The following ABCA12 variants were observed in gnomAD, a reference collection of about 807,000 sequenced individuals.
The protein encoded by ABCA12 is glucosylceramide transporter ABCA12.
ABCA12 carries 156 observed loss-of-function variants against 293.5 expected under a neutral mutation model. The observed-to-expected ratio is 0.53, with a 90% confidence interval of 0.47 to 0.61. ABCA12 has a LOEUF of 0.61. Among genes scored for constraint, ABCA12 ranks in the 20% least tolerant of loss-of-function variants. The pLI is 0.00. For missense variants in ABCA12, 2,797 were observed against 3,090.2 expected, an observed-to-expected ratio of 0.91 and a Z score of 2.25; for synonymous variants, 1,063 against 1,108.0, an observed-to-expected ratio of 0.96 and a Z score of 0.81.
At chr2:214,964,457 T>C (rs988614661) in intron 39 of ABCA12, among the ~76,000 whole-genome samples, 1 of 152,184 alleles carries the variant, frequency 6.6e-6, no homozygotes, top group Non-Finnish European at 1.5e-5. Context: ...GCAGTTGACA[T>C]GATCCTATAT....
Position 215,064,200 on chromosome 2 carries a change from G to C in ABCA12, c.183C>G (p.Asn61Lys), listed in dbSNP as rs537624286. The C allele has an allele frequency of 3.7e-6, 6 of 1,612,620 alleles. No homozygotes were observed. The highest frequency in any genetic ancestry group is 1.7e-4 in the Middle Eastern group (1 of 6,050). ...AKPTCYLAPR[N>K]LPSTGFFPFL... ...ATGGAAAGAATCCAGTACTAGGAAG[G>C]TTTCGAGGTGCGAGGTAACCTAAAA... is the stretch of plus-strand genomic sequence containing the variant. Residue 61 changes from asparagine (N) to lysine (K), a missense_variant, in exon 3 of 53, where the codon AAC becomes AAG. By Grantham distance (94) the Asn-to-Lys change is moderately conservative. Coordinates refer to ENST00000272895, the MANE Select transcript of ABCA12 (RefSeq NM_173076.3).
chr2:215,108,837 A>G (rs1193387896), intron 2 of ABCA12, among the ~76,000 whole-genome samples: 1 of 152,184 alleles, frequency 6.6e-6, no homozygotes, highest in Non-Finnish European at 1.5e-5. Context: ...TGGGAGGCCG[A>G]GGCGGTGGAT....
chr2:214,949,383 C>CACAA (rs1274279324), intron 45 of ABCA12, among the ~76,000 whole-genome samples: 1 of 150,856 alleles, frequency 6.6e-6, no homozygotes, highest in African/African-American at 2.4e-5. Flanking sequence ...TATATACACA[C>CACAA]ACACACACAC....
At chr2:214,974,468 T>A (rs893570344) in intron 35 of ABCA12, among the ~76,000 whole-genome samples, 3 of 152,176 alleles carry the variant, frequency 2.0e-5, no homozygotes, top group Non-Finnish European at 2.9e-5. Flanking sequence ...GCTAGATAAG[T>A]ATCTTGGTCT....
chr2:214,972,431 C>A (rs1699405777), intron 36 of ABCA12, among the ~76,000 whole-genome samples: 1 of 152,116 alleles, frequency 6.6e-6, no homozygotes, highest in Non-Finnish European at 1.5e-5. Flanking sequence ...TATTTTGAGA[C>A]AGGGTCTCTC....
chr2:215,027,845 T>C (rs1389425617), intron 9 of ABCA12, among the ~76,000 whole-genome samples: 1 of 152,186 alleles, frequency 6.6e-6, no homozygotes, highest in Admixed American at 6.5e-5. Context: ...TATAAGTTCC[T>C]TTTTTCTCTA....
chr2:214,983,637 C>G lies in ABCA12; in HGVS notation c.4382+10G>C. ...TAGCAACTTAGGTTCTCATTCCTGT[C>G]TTAACTTGCCTTTTTACTTCCTCGT... On this transcript the variant is annotated intron_variant, in intron 29 of 52. Coordinates refer to ENST00000272895, the MANE Select transcript of ABCA12 (RefSeq NM_173076.3). The G allele has an allele frequency of 6.2e-7, 1 of 1,613,274 alleles. No homozygotes were observed.
chr2:215,000,460 C>T (rs996767514), intron 22 of ABCA12, among the ~76,000 whole-genome samples: 1 of 152,018 alleles, frequency 6.6e-6, no homozygotes. Context: ...AATTTTAGGG[C>T]CAGAATTTTT....
intron 30 of ABCA12, 21 bp downstream of exon 30, chr2:214,982,166 G>A: frequency 1.2e-6 from 2 of 1,612,622 alleles, no homozygotes; most frequent in Admixed American, 1.7e-5. Context: ...GGGTGGAGAA[G>A]TTCTGAGAAA....
At chr2:215,063,918 A>T in intron 3 of ABCA12, 148 bp downstream of exon 3, 4 of 962,770 alleles carry the variant, frequency 4.2e-6, no homozygotes, top group Non-Finnish European at 6.6e-6. Context: ...GTTTATACCT[A>T]CTTTGTTATT....
intron 3 of ABCA12, among the ~76,000 whole-genome samples, chr2:215,062,946 T>C (rs764969434): frequency 4.6e-5 from 7 of 152,036 alleles, no homozygotes; most frequent in Admixed American, 6.6e-5. Context: ...AATTGTTTTA[T>C]TCACCTCTGT....
intron 2 of ABCA12, among the ~76,000 whole-genome samples, chr2:215,096,501 C>T (rs1308140425): frequency 1.3e-5 from 2 of 152,302 alleles, no homozygotes; most frequent in African/African-American, 4.8e-5. Flanking sequence ...ATTATTGTCA[C>T]TATTCTGTTT....
intron 2 of ABCA12, among the ~76,000 whole-genome samples, chr2:215,110,190 A>G (rs1236084911): frequency 2.0e-5 from 3 of 152,174 alleles, no homozygotes; most frequent in African/African-American, 7.2e-5. Context: ...AATAACTCAA[A>G]TGACTTGAGA....
rs1702223827 is a variant in ABCA12, at chr2:215,095,098, G to GTTTTT, written c.163+16498_163+16499insAAAAA. On this transcript the variant is annotated intron_variant, in intron 2 of 52. Transcript: ENST00000272895. ...CTACTATTTTGTTTTGTTTTGTTTT[G>GTTTTT]TTTATTATGAATACAAGACGACAGG... Among the ~76,000 whole-genome samples the GTTTTT allele has an allele frequency of 2.0e-5, 3 of 151,704 alleles. No individual in the cohort carries two copies. The South Asian group carries it at 6.3e-4, about 32-fold the overall frequency.
chr2:214,949,561 A>G (rs1427316890), intron 45 of ABCA12, among the ~76,000 whole-genome samples: 1 of 152,180 alleles, frequency 6.6e-6, no homozygotes, highest in East Asian at 1.9e-4. Flanking sequence ...TCGCGGCAAT[A>G]GTTTCTTCGT....
At chr2:215,080,930 C>T (rs1701924434) in intron 2 of ABCA12, 1 of 152,192 alleles carries the variant, frequency 6.6e-6, no homozygotes, top group Non-Finnish European at 1.5e-5. Flanking sequence ...CCCCTCAGAA[C>T]CATATTATTT....
chr2:214,933,186 A>G (rs1234582362), intron 52 of ABCA12, among the ~76,000 whole-genome samples: 1 of 152,208 alleles, frequency 6.6e-6, no homozygotes, highest in Non-Finnish European at 1.5e-5. Flanking sequence ...AAATTTGTAT[A>G]GAAAGCCCAT....
chr2:215,137,470 G>T (rs912815371), intron 1 of ABCA12, among the ~76,000 whole-genome samples: 7 of 152,170 alleles, frequency 4.6e-5, no homozygotes, highest in Non-Finnish European at 1.5e-5. Flanking sequence ...GGATCTAATA[G>T]CTAACTTTGT....
intron 15 of ABCA12, among the ~76,000 whole-genome samples, chr2:215,012,694 C>A (rs1700404068): frequency 6.6e-6 from 1 of 151,884 alleles, no homozygotes; most frequent in African/African-American, 2.4e-5. Flanking sequence ...ATGGAAATGT[C>A]CTAAAATTAG....
Sources: allele counts gnomAD v4.1 joint callset (sites outside exome capture counted in the v4.1 genomes callset), GRCh38; gene constraint gnomAD v4.1.1; transcripts MANE v1.5; gene names NCBI Gene and HGNC (gene_info 2026-07-23, HGNC 2026-07-21).